CAMK2A: variants seen among roughly 807,000 people sequenced by gnomAD.
CAMK2A encodes calcium/calmodulin-dependent protein kinase type II subunit alpha.
In CAMK2A, 7 loss-of-function variants were observed where a neutral mutation model predicts 79.2. That is an observed-to-expected ratio of 0.09 (90% CI 0.05 to 0.17). The LOEUF (loss-of-function observed/expected upper bound fraction) is 0.17. Among genes scored for constraint, CAMK2A ranks in the 10% least tolerant of loss-of-function variants. The pLI is 1.00. For synonymous variants in CAMK2A, 242 were observed against 251.7 expected, an observed-to-expected ratio of 0.96 and a Z score of 0.36; for missense variants, 214 against 646.4, an observed-to-expected ratio of 0.33 and a Z score of 7.25.
intron 3 of CAMK2A, among the ~76,000 whole-genome samples, chr5:150,259,128 C>G (rs931617492): frequency 6.6e-6 from 1 of 151,640 alleles, no homozygotes. Flanking sequence ...TGCAGTGAGC[C>G]GAGATCGTGC....
intron 11 of CAMK2A, 21 bp from the exon 12 acceptor site, chr5:150,247,835 G>A: frequency 6.2e-7 from 1 of 1,611,420 alleles, no homozygotes; most frequent in Non-Finnish European, 8.5e-7. Flanking sequence ...TAAGAAGAGG[G>A]CAGTGGGAGA....
intron 15 of CAMK2A, among the ~76,000 whole-genome samples, chr5:150,237,806 A>G (rs1332690756): frequency 1.3e-5 from 2 of 152,190 alleles, no homozygotes; most frequent in African/African-American, 4.8e-5. Context: ...AGCATTCCAT[A>G]AATGACGGCC....
chr5:150,289,574 C>T lies in CAMK2A; in HGVS notation c.52G>A (p.Glu18Lys). Residue 18 changes from glutamate to lysine, a missense_variant, in exon 1 of 19, where the codon GAA becomes AAA. Glu to Lys is a moderately conservative substitution (Grantham distance 56, BLOSUM62 1). This residue lies in a region of CAMK2A where 72 missense variants were observed against 333.9 expected (regional missense o/e 0.22). Transcript: ENST00000671881. ...TGAGGCACAACTCACTTGCCCAATTCCTCGAAGAGCTGGTACTCTTCCGTG... is the reference window on the plus strand; with the variant it reads ...TGAGGCACAACTCACTTGCCCAATTTCTCGAAGAGCTGGTACTCTTCCGTG... The part of the protein sequence containing the change: ...RFTEEYQLFE[E>K]LGKGAFSVVR... 6.2e-7 allele frequency: 1 copy of T among 1,614,006 alleles called. No individual in the cohort carries two copies. The highest frequency in any genetic ancestry group is 8.5e-7 in the Non-Finnish European group (1 of 1,179,878).
intron 1 of CAMK2A, among the ~76,000 whole-genome samples, chr5:150,277,322 G>T (rs990148366): frequency 1.3e-5 from 2 of 152,244 alleles, no homozygotes; most frequent in South Asian, 4.1e-4. Context: ...GTCTGTGGGT[G>T]ATTCTTTCCC....
At chr5:150,245,940 C>T (rs1266299633) in intron 12 of CAMK2A, among the ~76,000 whole-genome samples, 3 of 152,258 alleles carry the variant, frequency 2.0e-5, no homozygotes, top group Non-Finnish European at 4.4e-5. Flanking sequence ...CAGGAAATGG[C>T]CTGAATGTCC....
At chr5:150,278,431 G>A (rs1757054766) in intron 1 of CAMK2A, among the ~76,000 whole-genome samples, 1 of 151,804 alleles carries the variant, frequency 6.6e-6, no homozygotes, top group African/African-American at 2.4e-5. Context: ...TGAACAAGTG[G>A]CAATAGCCCA....
intron 17 of CAMK2A, among the ~76,000 whole-genome samples, chr5:150,224,603 C>T (rs186577893): frequency 1.9e-4 from 29 of 152,204 alleles, no homozygotes; most frequent in African/African-American, 6.0e-4. Flanking sequence ...CATAGAATAA[C>T]AGACTTTGAA....
Position 150,251,964 on chromosome 5 carries a change from G to A in CAMK2A, c.598+18C>T, listed in dbSNP as rs1240177561. 6.2e-7 allele frequency: 1 copy of A among 1,610,262 alleles called. No individual in the cohort carries two copies. The highest frequency in any genetic ancestry group is 2.2e-5 in the East Asian group (1 of 44,858). ...GGGGTGCAGCCAGGGGCACAAAAGG[G>A]CCTTAGGATGAACTCACCACAAGCC... On this transcript the variant is annotated intron_variant, in intron 8 of 18. Coordinates refer to ENST00000671881, the MANE Select transcript of CAMK2A (RefSeq NM_015981.4).
intron 10 of CAMK2A, 44 bp downstream of exon 10, chr5:150,250,644 G>T (rs769848474): frequency 1.2e-6 from 2 of 1,611,362 alleles, no homozygotes; most frequent in Non-Finnish European, 1.7e-6. Flanking sequence ...GGATCATGAG[G>T]TCTGGAGGGG....
chr5:150,262,366 G>A (rs1756337086), intron 3 of CAMK2A, among the ~76,000 whole-genome samples: 1 of 152,126 alleles, frequency 6.6e-6, no homozygotes, highest in Non-Finnish European at 1.5e-5. Flanking sequence ...CACGTCTTTG[G>A]GAAGATTACA....
intron 1 of CAMK2A, among the ~76,000 whole-genome samples, chr5:150,287,143 T>A (rs1757456536): frequency 6.6e-6 from 1 of 152,168 alleles, no homozygotes; most frequent in Admixed American, 6.5e-5. Context: ...GGCTCCTCAA[T>A]GATGTGGTCT....
rs1315018054 is a variant in CAMK2A, at chr5:150,221,442, G to T, written c.*1268C>A. On this transcript the variant is annotated 3_prime_UTR_variant, in exon 19 of 19. Transcript: ENST00000671881. ...GCTCACGGGCCCCCCAGAGGTGGGT[G>T]GGGGGTGCTGGGGGCGGCACACAGA... is the stretch of plus-strand genomic sequence containing the variant. The T allele has an allele frequency of 7.5e-6, 3 of 398,548 alleles. No homozygotes were observed. The highest frequency in any genetic ancestry group is 3.5e-5 in the East Asian group (1 of 28,220). 24.7% of individuals were successfully genotyped at this position (398,548 alleles called of 1,614,324 possible).
intron 16 of CAMK2A, among the ~76,000 whole-genome samples, chr5:150,229,284 C>T (rs1754739637): frequency 6.6e-6 from 1 of 152,196 alleles, no homozygotes; most frequent in African/African-American, 2.4e-5. Flanking sequence ...ATGGCTTAAG[C>T]CTGGGGCTGG....
At chr5:150,257,407 A>G (rs1350789866) in intron 4 of CAMK2A, among the ~76,000 whole-genome samples, 156 bp downstream of exon 4, 1 of 152,264 alleles carries the variant, frequency 6.6e-6, no homozygotes, top group Non-Finnish European at 1.5e-5. Context: ...TTGGTGTTTT[A>G]GGAAAGTCAG....
At chr5:150,252,334 C>G (rs1294976635) in intron 7 of CAMK2A, among the ~76,000 whole-genome samples, 1 of 152,154 alleles carries the variant, frequency 6.6e-6, no homozygotes, top group Non-Finnish European at 1.5e-5. Flanking sequence ...GGTAATCAGC[C>G]ACAGAACTCC....
intron 15 of CAMK2A, among the ~76,000 whole-genome samples, chr5:150,232,577 C>T (rs928400411): frequency 2.0e-5 from 3 of 152,228 alleles, no homozygotes; most frequent in African/African-American, 4.8e-5. Context: ...CCTTTCCCTC[C>T]TTCCACAGGC....
At chr5:150,269,449 G>T (rs995419077) in intron 2 of CAMK2A, among the ~76,000 whole-genome samples, 3 of 151,682 alleles carry the variant, frequency 2.0e-5, no homozygotes, top group Non-Finnish European at 2.9e-5. Context: ...CCTGGGCTCG[G>T]TGATTCTCCC....
intron 16 of CAMK2A, among the ~76,000 whole-genome samples, chr5:150,228,905 C>T (rs1754721924): frequency 6.6e-6 from 1 of 152,172 alleles, no homozygotes; most frequent in African/African-American, 2.4e-5. Flanking sequence ...GGAGGAGAAG[C>T]ACAGGGCATG....
chr5:150,287,590 T>C (rs143007467), intron 1 of CAMK2A, among the ~76,000 whole-genome samples: 31 of 152,232 alleles, frequency 2.0e-4, no homozygotes, highest in African/African-American at 7.0e-4. Context: ...AAACATCACT[T>C]TTATTTTCAC....
Sources: gnomAD v4.1 joint callset for allele counts (sites outside exome capture counted in the v4.1 genomes callset) on GRCh38, gnomAD v4.1.1 for gene constraint, gnomAD v4.1.1 regional missense constraint, MANE v1.5 for transcripts, NCBI Gene and HGNC (gene_info 2026-07-23, HGNC 2026-07-21) for gene names.